Variants in MACROD2 observed in about 807,000 individuals in gnomAD.
MACROD2 encodes the protein mono-ADP ribosylhydrolase 2, also known as ADP-ribose glycohydrolase MACROD2.
MACROD2 carries 36 observed loss-of-function variants against 70.4 expected under a neutral mutation model. The ratio of observed to expected loss-of-function variants is 0.51; its 90% CI spans 0.39 to 0.68. The LOEUF is 0.68. Among genes scored for constraint, MACROD2 ranks in the 30% least tolerant of loss-of-function variants. MACROD2 has a pLI of 0.00. For synonymous variants in MACROD2, 172 were observed against 178.8 expected, an observed-to-expected ratio of 0.96 and a Z score of 0.30; for missense variants, 496 against 538.4, an observed-to-expected ratio of 0.92 and a Z score of 0.78.
At chr20:14,961,145 G>T (rs2074579892) in intron 5 of MACROD2, among the ~76,000 whole-genome samples, 1 of 152,130 alleles carries the variant, frequency 6.6e-6, no homozygotes, top group Non-Finnish European at 1.5e-5. Context: ...TGTGTGTGTA[G>T]GCATGTATGC....
chr20:14,219,263 G>A (rs1270105978), intron 3 of MACROD2, among the ~76,000 whole-genome samples: 2 of 151,974 alleles, frequency 1.3e-5, no homozygotes, highest in Non-Finnish European at 2.9e-5. Context: ...TTGTTAGCTT[G>A]GGTTAATTTG....
intron 3 of MACROD2, among the ~76,000 whole-genome samples, chr20:14,358,646 C>T (rs2083194612): frequency 2.6e-5 from 4 of 151,934 alleles, no homozygotes; most frequent in African/African-American, 9.7e-5. Context: ...TTGGTAGAGA[C>T]AGGGTTTTAC....
chr20:14,487,750 G>A (rs553383502), intron 3 of MACROD2, among the ~76,000 whole-genome samples: 3 of 152,172 alleles, frequency 2.0e-5, no homozygotes, highest in Admixed American at 2.0e-4. Context: ...GGGATTCATC[G>A]TATGGATTTC....
At chr20:14,742,072 T>G (rs2071739737) in intron 5 of MACROD2, among the ~76,000 whole-genome samples, 1 of 152,164 alleles carries the variant, frequency 6.6e-6, no homozygotes, top group South Asian at 2.1e-4. Context: ...AAGTCTGTAC[T>G]GAAAAACGTT....
At chr20:14,525,839 T>C (rs2085224910) in intron 4 of MACROD2, among the ~76,000 whole-genome samples, 1 of 152,260 alleles carries the variant, frequency 6.6e-6, no homozygotes, top group Admixed American at 6.5e-5. Context: ...CCCTTTGATT[T>C]GGAGTTGCTT....
At chr20:14,494,806 G>T (rs1274632209) in intron 4 of MACROD2, among the ~76,000 whole-genome samples, 1 of 152,000 alleles carries the variant, frequency 6.6e-6, no homozygotes, top group Non-Finnish European at 1.5e-5. Flanking sequence ...TTTTATTTGG[G>T]GGGAACTAGA....
chr20:14,183,907 T>G (rs1433911561), intron 3 of MACROD2, among the ~76,000 whole-genome samples: 1 of 152,180 alleles, frequency 6.6e-6, no homozygotes, highest in Non-Finnish European at 1.5e-5. Flanking sequence ...TGTAAATTTG[T>G]TTAAGTTCCT....
chr20:15,602,468 A>C (rs1422559597), intron 8 of MACROD2, among the ~76,000 whole-genome samples: 1 of 152,194 alleles, frequency 6.6e-6, no homozygotes, highest in Non-Finnish European at 1.5e-5. Context: ...ATCTTTCTGC[A>C]TGCATATCTT....
chr20:15,479,751 A>G (rs953518758), intron 7 of MACROD2, among the ~76,000 whole-genome samples: 6 of 152,156 alleles, frequency 3.9e-5, no homozygotes, highest in African/African-American at 1.4e-4. Flanking sequence ...CTTAAGAGAA[A>G]CCTGCAGAAT....
intron 8 of MACROD2, among the ~76,000 whole-genome samples, chr20:15,830,270 A>AAGTCACAAG (rs1298901285): frequency 6.6e-6 from 1 of 152,248 alleles, no homozygotes; most frequent in African/African-American, 2.4e-5. Flanking sequence ...AGGCATCCAC[A>AAGTCACAAG]GCATACAAAG....
chr20:15,578,996 G>T (rs1417034456), intron 8 of MACROD2, among the ~76,000 whole-genome samples: 1 of 152,164 alleles, frequency 6.6e-6, no homozygotes, highest in Admixed American at 6.5e-5. Context: ...TAGGAAAATT[G>T]AGTTGAAAAT....
chr20:15,785,128 G>A (rs112235871), intron 8 of MACROD2, among the ~76,000 whole-genome samples: 53 of 149,448 alleles, frequency 3.5e-4, no homozygotes, highest in African/African-American at 1.3e-3. Flanking sequence ...CTCCAGCCTG[G>A]GTGACAGAGC....
chr20:14,893,595 G>T (rs2073790861), intron 5 of MACROD2: 1 of 151,780 alleles, frequency 6.6e-6, no homozygotes, highest in African/African-American at 2.4e-5. Context: ...TTATTTGATA[G>T]ATAAAAAATA....
At chr20:14,354,138 C>T (rs1410081040) in intron 3 of MACROD2, among the ~76,000 whole-genome samples, 1 of 152,124 alleles carries the variant, frequency 6.6e-6, no homozygotes, top group African/African-American at 2.4e-5. Flanking sequence ...TTGGGTTGTA[C>T]ACCTTTTTAG....
intron 6 of MACROD2, among the ~76,000 whole-genome samples, chr20:15,427,170 T>G (rs1006724817): frequency 1.6e-4 from 25 of 152,208 alleles, no homozygotes; most frequent in African/African-American, 5.5e-4. Flanking sequence ...TTTGTTTGAA[T>G]TAATGCAATA....
chr20:14,555,008 T>TA (rs35040976), intron 4 of MACROD2, among the ~76,000 whole-genome samples: 2,123 of 150,654 alleles, frequency 0.014, 56 homozygotes, highest in African/African-American at 0.049. Flanking sequence ...GTTAGTGGTA[T>TA]AAAAAAAAAC....
rs73262730 is a variant in MACROD2, at chr20:15,230,734, T to G, written c.540+673T>G. ...GTAGGCTGAGATGAAAGGAATTCTC[T>G]TCTAGCTGGATTTGGAGGTATTTAC... On this transcript the variant is annotated intron_variant, in intron 6 of 17. Transcript: ENST00000684519. Among the ~76,000 whole-genome samples, 680 of 152,244 alleles carry G rather than the reference T, an allele frequency of 4.5e-3. 3 individuals are homozygous for G. Among genetic ancestry groups the G allele is most frequent in the African/African-American group, 0.016 (653 of 41,574 alleles).
At chr20:16,029,496 G>A (rs150306420) in intron 15 of MACROD2, among the ~76,000 whole-genome samples, 9 of 152,236 alleles carry the variant, frequency 5.9e-5, no homozygotes, top group African/African-American at 1.9e-4. Flanking sequence ...AGTAAAACAG[G>A]CAAGCAAGTA....
intron 3 of MACROD2, among the ~76,000 whole-genome samples, chr20:14,155,244 T>G (rs970980908): frequency 6.6e-6 from 1 of 152,226 alleles, no homozygotes; most frequent in South Asian, 2.1e-4. Context: ...AATATATAAA[T>G]GTATATTTGA....
Sources: gnomAD v4.1 joint callset for allele counts (sites outside exome capture counted in the v4.1 genomes callset) on GRCh38, gnomAD v4.1.1 for gene constraint, MANE v1.5 for transcripts, NCBI Gene and HGNC (gene_info 2026-07-23, HGNC 2026-07-21) for gene names.